Variants in GLT8D2 observed in about 807,000 individuals in gnomAD.
GLT8D2 encodes glycosyltransferase 8 domain containing 2, also known as glycosyltransferase 8 domain-containing protein 2.
In GLT8D2, 45 loss-of-function variants were observed where a neutral mutation model predicts 44.5. The ratio of observed to expected loss-of-function variants is 1.01; its 90% CI spans 0.80 to 1.30. GLT8D2 has a LOEUF of 1.30. GLT8D2 is among the 50% of genes most tolerant of loss of function. The pLI is 0.00. For missense variants in GLT8D2, 400 were observed against 430.4 expected (o/e 0.93, Z 0.62); for synonymous variants, 156 against 157.2 (o/e 0.99, Z 0.06).
At chr12:104,038,189 T>C (rs1638990569) in intron 1 of GLT8D2, among the ~76,000 whole-genome samples, 1 of 152,208 alleles carries the variant, frequency 6.6e-6, no homozygotes, top group Non-Finnish European at 1.5e-5. Flanking sequence ...GCCAATATCA[T>C]ACTGAATGGG....
At chr12:104,039,207 GGC>G (rs956049056) in intron 1 of GLT8D2, among the ~76,000 whole-genome samples, 28 of 152,246 alleles carry the variant, frequency 1.8e-4, no homozygotes, top group African/African-American at 6.7e-4. Flanking sequence ...AGAAAACCTA[GGC>G]AATACCATTC....
intron 1 of GLT8D2, among the ~76,000 whole-genome samples, chr12:104,038,758 C>T (rs1022053203): frequency 6.6e-6 from 1 of 152,168 alleles, no homozygotes; most frequent in African/African-American, 2.4e-5. Context: ...CCCCATCAAG[C>T]TACCAATGAC....
At chr12:104,050,324 T>A (rs1881592207), upstream of GLT8D2, 1 of 152,166 alleles carries the variant, frequency 6.6e-6, no homozygotes, top group Middle Eastern at 3.2e-3. Context: ...GAAGAGCAAA[T>A]GCTTTCAGGG....
intron 1 of GLT8D2, among the ~76,000 whole-genome samples, chr12:104,063,365 C>A (rs1260033915): frequency 1.3e-5 from 2 of 152,022 alleles, no homozygotes; most frequent in Admixed American, 6.5e-5. Context: ...AGGACCAAAT[C>A]ACAGGGCAGC....
intron 1 of GLT8D2, among the ~76,000 whole-genome samples, chr12:104,034,761 C>A (rs1171875486): frequency 6.6e-6 from 1 of 152,234 alleles, no homozygotes; most frequent in African/African-American, 2.4e-5. Flanking sequence ...CTTAAACATC[C>A]CTGTCTGACA....
chr12:104,025,067 CAAAA>C (rs34885430), intron 1 of GLT8D2, among the ~76,000 whole-genome samples: 64 of 67,202 alleles, frequency 9.5e-4, no homozygotes, highest in Admixed American at 2.1e-3. Context: ...GAGACTTTGT[CAAAA>C]AAAAAAAAAA....
At chr12:104,033,418 A>G (rs866880358) in intron 1 of GLT8D2, among the ~76,000 whole-genome samples, 17 of 152,202 alleles carry the variant, frequency 1.1e-4, no homozygotes, top group Middle Eastern at 3.2e-3. Context: ...AAATGAATAC[A>G]GCATGTTCAC....
chr12:103,996,845 C>T lies in GLT8D2; in HGVS notation c.490G>A (p.Asp164Asn), dbSNP rs1191521886. ...GTGGTGTCATACAGTTCTTGGATAT[C>T]ACCTGAATTTAGAAACACCACCAAG... Reference protein sequence around the residue: ...YLDDDVIVQGDIQELYDTTLA... With the variant: ...YLDDDVIVQGNIQELYDTTLA... Residue 164 changes from aspartate to asparagine, a missense_variant and splice_region_variant, in exon 8 of 11, where the codon GAT becomes AAT. By Grantham distance (23) the Asp-to-Asn change is conservative. Transcript: ENST00000360814. 1 of 1,608,702 alleles carries T rather than the reference C, an allele frequency of 6.2e-7. No homozygotes were observed. The highest frequency in any genetic ancestry group is 1.3e-5 in the African/African-American group (1 of 74,874).
rs560865939 is a variant in GLT8D2, at chr12:104,014,423, G to A, written c.112+590C>T. ...CCTGATTTTTATGGAGGTTGACTTT[G>A]TGTGTGCATTGGAGTTTTGAAGGTG... On this transcript the variant is annotated intron_variant, in intron 4 of 10. Coordinates refer to ENST00000360814, the MANE Select transcript of GLT8D2 (RefSeq NM_001384711.1). The A allele has an allele frequency of 1.3e-4, 76 of 607,700 alleles. No individual in the cohort carries two copies. In the African/African-American group the frequency reaches 1.3e-3, roughly 10 times the overall value. 37.6% of individuals were successfully genotyped at this position (607,700 alleles called of 1,614,324 possible). A position where few individuals can be genotyped will look rare whatever the true frequency, so the allele number is the denominator to read the frequency against.
At chr12:104,004,174 C>T (rs900614217) in intron 4 of GLT8D2, among the ~76,000 whole-genome samples, 3 of 152,232 alleles carry the variant, frequency 2.0e-5, no homozygotes, top group Admixed American at 6.5e-5. Context: ...TGACAAAATT[C>T]GACAGCCCTT....
intron 3 of GLT8D2, among the ~76,000 whole-genome samples, chr12:104,017,740 A>G (rs1469307875): frequency 6.6e-6 from 1 of 152,184 alleles, no homozygotes; most frequent in Non-Finnish European, 1.5e-5. Flanking sequence ...AAGTTGGTAG[A>G]AGGGAAGAGG....
At chr12:104,002,750 C>G (rs189979676) in intron 5 of GLT8D2, among the ~76,000 whole-genome samples, 1 of 152,044 alleles carries the variant, frequency 6.6e-6, no homozygotes, top group East Asian at 1.9e-4. Flanking sequence ...TCAAGACAAA[C>G]CTAAGCAACA....
At chr12:104,024,424 C>T (rs1005221399) in intron 1 of GLT8D2, among the ~76,000 whole-genome samples, 1 of 151,798 alleles carries the variant, frequency 6.6e-6, no homozygotes, top group East Asian at 1.9e-4. Flanking sequence ...CAGAGAGAGA[C>T]CTTGTCTGAA....
At chr12:103,990,110 T>C (rs1872558190) in intron 10 of GLT8D2, among the ~76,000 whole-genome samples, 1 of 71,872 alleles carries the variant, frequency 1.4e-5, no homozygotes, top group Non-Finnish European at 2.7e-5. Flanking sequence ...TATATATATA[T>C]ATATATATAT....
chr12:104,047,392 C>G (rs1405893648), intron 1 of GLT8D2, among the ~76,000 whole-genome samples: 1 of 151,244 alleles, frequency 6.6e-6, no homozygotes, highest in East Asian at 2.0e-4. Context: ...ACAACCTCCA[C>G]CTCCTGGGTT....
intron 2 of GLT8D2, among the ~76,000 whole-genome samples, chr12:104,020,768 C>A (rs1877525704): frequency 6.6e-6 from 1 of 152,140 alleles, no homozygotes; most frequent in Admixed American, 6.5e-5. Context: ...GCATCCCAGG[C>A]AGAGGGAACA....
At chr12:103,997,905 A>G (rs1277480315) in intron 6 of GLT8D2, among the ~76,000 whole-genome samples, 1 of 128,694 alleles carries the variant, frequency 7.8e-6, no homozygotes, top group African/African-American at 3.0e-5. Flanking sequence ...CAATTAAATC[A>G]GCCTTAAATA....
At chr12:104,007,196 T>C (rs1875143039) in intron 4 of GLT8D2, among the ~76,000 whole-genome samples, 1 of 147,734 alleles carries the variant, frequency 6.8e-6, no homozygotes, top group South Asian at 2.2e-4. Context: ...GAGTATTCAG[T>C]ATCCACTATA....
chr12:104,020,512 C>G lies in GLT8D2; in HGVS notation c.-28-836G>C, dbSNP rs1877490820. On this transcript the variant is annotated intron_variant, in intron 2 of 10. Transcript: ENST00000360814. ...CACTTCCCAGTGATGCACCGAAAAA[C>G]AAAACAGTACTGGTCCCTATCCTCC... Among the ~76,000 whole-genome samples the G allele has an allele frequency of 2.6e-5, 4 of 152,244 alleles. No individual in the cohort carries two copies. In the South Asian group the frequency reaches 8.3e-4, roughly 32 times the overall value.
Sources: allele counts gnomAD v4.1 joint callset (sites outside exome capture counted in the v4.1 genomes callset), GRCh38; gene constraint gnomAD v4.1.1; transcripts MANE v1.5; gene names NCBI Gene and HGNC (gene_info 2026-07-23, HGNC 2026-07-21).